The following CNNM3 variants were observed in gnomAD, a reference collection of about 807,000 sequenced individuals.
The protein encoded by CNNM3 is metal transporter CNNM3.
A neutral mutation model predicts 57.1 loss-of-function variants in CNNM3; 47 were observed. The observed-to-expected ratio is 0.82, with a 90% CI of 0.65 to 1.05. The LOEUF (loss-of-function observed/expected upper bound fraction) is 1.05. Among genes scored for constraint, CNNM3 ranks in the 50% least tolerant of loss-of-function variants. The pLI is 0.00. For synonymous variants in CNNM3, 507 were observed against 478.2 expected (o/e 1.06, Z -0.79); for missense variants, 957 against 973.7 (o/e 0.98, Z 0.23).
chr2:96,835,657 C>T (rs1023023248), downstream of CNNM3, among the ~76,000 whole-genome samples: 6 of 151,970 alleles, frequency 3.9e-5, no homozygotes, highest in African/African-American at 1.5e-4. Flanking sequence ...TTAGTAGAGA[C>T]GGGGTTTCAC....
intron 7 of CNNM3, 153 bp downstream of exon 7, chr2:96,829,287 A>G: frequency 1.1e-6 from 1 of 870,480 alleles, no homozygotes; most frequent in Middle Eastern, 5.9e-4. Context: ...ATATATCTAT[A>G]TATAAATAAT....
chr2:96,828,974 C>T, intron 6 of CNNM3, 22 bp from the exon 7 acceptor site: 1 of 1,612,210 alleles, frequency 6.2e-7, no homozygotes, highest in Non-Finnish European at 8.5e-7. Flanking sequence ...AATTGGGTCC[C>T]AGTAACGCTG....
intron 1 of CNNM3, 92 bp downstream of exon 1, chr2:96,817,594 C>T: frequency 7.7e-7 from 1 of 1,301,174 alleles, no homozygotes; most frequent in Non-Finnish European, 1.1e-6. Flanking sequence ...TGGAAAGGGT[C>T]CCACCCCTGT....
downstream of CNNM3, among the ~76,000 whole-genome samples, chr2:96,835,612 C>T (rs150828567): frequency 0.011 from 1,633 of 152,088 alleles, 24 homozygotes; most frequent in African/African-American, 0.033. Flanking sequence ...GGACTACAGG[C>T]GCCCGCCACC....
intron 2 of CNNM3, 82 bp downstream of exon 2, chr2:96,825,283 C>A: frequency 6.6e-7 from 1 of 1,521,944 alleles, no homozygotes; most frequent in Non-Finnish European, 8.9e-7. Flanking sequence ...GGCCAGTGGG[C>A]CTCTGTGCTG....
At chr2:96,832,501 AG>A (rs1286538092) in intron 7 of CNNM3, 50 bp from the exon 8 acceptor site, 1 of 1,612,208 alleles carries the variant, frequency 6.2e-7, no homozygotes, top group Non-Finnish European at 8.5e-7. Context: ...TGGTTTTGAC[AG>A]GATACTTTAC....
intron 1 of CNNM3, among the ~76,000 whole-genome samples, chr2:96,822,350 C>T (rs562006993): frequency 1.3e-5 from 2 of 152,010 alleles, no homozygotes; most frequent in Non-Finnish European, 1.5e-5. Flanking sequence ...GCTCTGTCAC[C>T]TGGGTTGGAG....
chr2:96,816,270 A>T lies in CNNM3; in HGVS notation c.-8A>T. The T allele has an allele frequency of 7.6e-7, 1 of 1,311,280 alleles. No homozygotes were observed. The highest frequency in any genetic ancestry group is 9.7e-7 in the Non-Finnish European group (1 of 1,032,172). The allele number at this position is 1,311,280 out of a possible 1,614,324, so 81.2% of individuals were successfully genotyped here. A position where few individuals can be genotyped will look rare whatever the true frequency, so the allele number is the denominator to read the frequency against. Reference sequence around the variant, plus strand: ...GCTGCGCGAGAGGCCGAGAGGGGGCAGCAGGCGATGGCGGCGGCGGTAGCT... The same window carrying T: ...GCTGCGCGAGAGGCCGAGAGGGGGCTGCAGGCGATGGCGGCGGCGGTAGCT... On this transcript the variant is annotated 5_prime_UTR_variant, in exon 1 of 8. Coordinates refer to ENST00000305510, the MANE Select transcript of CNNM3 (RefSeq NM_017623.5).
rs1463333135 is a variant in CNNM3, at chr2:96,834,135, C to A, written c.*1519C>A. Among the ~76,000 whole-genome samples the A allele has an allele frequency of 2.0e-5, 3 of 151,944 alleles. No homozygotes were observed. Among genetic ancestry groups the A allele is most frequent in the African/African-American group, 4.8e-5 (2 of 41,350 alleles). On this transcript the variant is annotated 3_prime_UTR_variant, in exon 8 of 8. Coordinates refer to ENST00000305510, the MANE Select transcript of CNNM3 (RefSeq NM_017623.5). Reference sequence around the variant, plus strand: ...GTTTCACCATGTTGGCCAGGCTGATCTTGAACTCCTGACCTCAGGTGATCT... The same window carrying A: ...GTTTCACCATGTTGGCCAGGCTGATATTGAACTCCTGACCTCAGGTGATCT...
chr2:96,817,421 A>G lies in CNNM3; in HGVS notation c.1144A>G (p.Ile382Val). 2.5e-6 allele frequency: 4 copies of G among 1,614,102 alleles called. No homozygotes were observed. Among genetic ancestry groups the G allele is most frequent in the Non-Finnish European group, 3.4e-6 (4 of 1,180,022 alleles). Residue 382 changes from isoleucine to valine, a missense_variant, in exon 1 of 8, where the codon ATC (isoleucine) becomes GTC (valine). Physicochemically the swap from Ile to Val is conservative, Grantham distance 29 (BLOSUM62 3). This residue lies in a region of CNNM3 where 491 missense variants were observed against 570.6 expected (regional missense o/e 0.86). Transcript: ENST00000305510. ...DPEDCTPLST[I>V]TRFYNHPLHF... The stretch of plus-strand genomic sequence containing the variant: ...CGAAGACTGCACGCCGCTCAGCACC[A>G]TCACTCGTTTCTACAACCATCCGCT...
At position 96,816,821 on chromosome 2, in the gene CNNM3, C is replaced by G. The variant is rs2079326882; in HGVS notation, c.544C>G (p.Arg182Gly). The G allele has an allele frequency of 5.8e-5, 60 of 1,032,962 alleles. No individual in the cohort carries two copies. Among genetic ancestry groups the G allele is most frequent in the Non-Finnish European group, 6.6e-5 (57 of 864,280 alleles). The allele number at this position is 1,032,962 out of a possible 1,614,324, so 64.0% of individuals were successfully genotyped here. A position where few individuals can be genotyped will look rare whatever the true frequency, so the allele number is the denominator to read the frequency against. The change falls in exon 1 of 8, where the codon CGG becomes GGG. Residue 182 changes from arginine (R) to glycine (G), a missense_variant. Coordinates refer to ENST00000305510, the MANE Select transcript of CNNM3 (RefSeq NM_017623.5). Reference sequence around the variant, plus strand: ...CTCGGAGGCGGAGCGTGCGGCGGCGCGGCGTTTGGAGCCCGCGCGGCGCTG... The same window carrying G: ...CTCGGAGGCGGAGCGTGCGGCGGCGGGGCGTTTGGAGCCCGCGCGGCGCTG... ...SGSEAERAAA[R>G]RLEPARRWAG... is the part of the protein sequence containing the mutation.
Position 96,832,919 on chromosome 2 carries a change from C to T in CNNM3, c.*303C>T. 3 of 1,436,324 alleles carry T rather than the reference C, an allele frequency of 2.1e-6. No individual in the cohort carries two copies. Among genetic ancestry groups the T allele is most frequent in the Non-Finnish European group, 2.8e-6 (3 of 1,083,504 alleles). The allele number at this position is 1,436,324 out of a possible 1,614,324, so 89.0% of individuals were successfully genotyped here. ...CAGGGCCCAGCCTTCCCCTTCTCCC[C>T]CGGGGCAGGGACAGTGCGGCATATT... is the stretch of plus-strand genomic sequence containing the variant. On this transcript the variant is annotated 3_prime_UTR_variant, in exon 8 of 8. Coordinates refer to ENST00000305510, the MANE Select transcript of CNNM3 (RefSeq NM_017623.5).
rs1306202746 is a variant in CNNM3 at position 96,834,481 on chromosome 2, A to G, written c.*1865A>G. Among the ~76,000 whole-genome samples, 3 of 151,726 alleles carry G rather than the reference A, an allele frequency of 2.0e-5. No individual in the cohort carries two copies. The highest frequency in any genetic ancestry group is 2.9e-5 in the Non-Finnish European group (2 of 67,964). ...CACCTCAGCCTCCTGAGTAGTAGGG[A>G]CTACAGGTAGGCACCACCACACCCA... On this transcript the variant is annotated 3_prime_UTR_variant, in exon 8 of 8. Coordinates refer to ENST00000305510, the MANE Select transcript of CNNM3 (RefSeq NM_017623.5).
At chr2:96,824,283 CAT>C (rs1264279638) in intron 1 of CNNM3, among the ~76,000 whole-genome samples, 1 of 152,196 alleles carries the variant, frequency 6.6e-6, no homozygotes, top group African/African-American at 2.4e-5. Flanking sequence ...CTGAGAAAGA[CAT>C]ATAGGGTAAG....
At chr2:96,828,318 A>C (rs1169030480) in intron 5 of CNNM3, 123 bp downstream of exon 5, 11 of 888,136 alleles carry the variant, frequency 1.2e-5, no homozygotes, top group African/African-American at 3.4e-5. Context: ...ACCACCCCAC[A>C]AGGTGGTGTA....
intron 1 of CNNM3, 113 bp from the exon 2 acceptor site, chr2:96,824,945 C>A: frequency 8.3e-7 from 1 of 1,200,100 alleles, no homozygotes; most frequent in Non-Finnish European, 1.2e-6. Context: ...GTGCCTGGCA[C>A]GTTGTAGGAG....
At chr2:96,831,592 G>A (rs768558149) in intron 7 of CNNM3, among the ~76,000 whole-genome samples, 5 of 152,266 alleles carry the variant, frequency 3.3e-5, no homozygotes, top group Non-Finnish European at 5.9e-5. Context: ...CAGCAGTGGA[G>A]CTGAGTAGCT....
chr2:96,817,463 G>T lies in CNNM3; in HGVS notation c.1186G>T (p.Asp396Tyr). 1 of 1,613,868 alleles carries T rather than the reference G, an allele frequency of 6.2e-7. No individual in the cohort carries two copies. Among genetic ancestry groups the T allele is most frequent in the Non-Finnish European group, 8.5e-7 (1 of 1,179,906 alleles). The change falls in exon 1 of 8, where the codon GAC (aspartate) becomes TAC (tyrosine). Residue 396 changes from aspartate (D) to tyrosine (Y), a missense_variant. This residue lies in a region of CNNM3 where 491 missense variants were observed against 570.6 expected (regional missense o/e 0.86). Transcript: ENST00000305510. ...YNHPLHFVFNDTKLDAVLEEF... is the reference protein window; with the variant it reads ...YNHPLHFVFNYTKLDAVLEEF... ...CCATCCGCTCCACTTCGTCTTCAAC[G>T]ACACCAAGCTGGACGCTGTCCTGGA...
intron 7 of CNNM3, 51 bp downstream of exon 7, chr2:96,829,185 A>G: frequency 6.3e-7 from 1 of 1,595,010 alleles, no homozygotes; most frequent in Non-Finnish European, 8.6e-7. Flanking sequence ...GAGGGCCGTG[A>G]GCTCACACAC....
Sources: allele counts gnomAD v4.1 joint callset (sites outside exome capture counted in the v4.1 genomes callset), GRCh38; gene constraint gnomAD v4.1.1; regional missense constraint gnomAD v4.1.1; transcripts MANE v1.5; gene names NCBI Gene and HGNC (gene_info 2026-07-23, HGNC 2026-07-21).